Variants in ATF7IP2 observed in about 807,000 individuals in gnomAD.
The protein encoded by ATF7IP2 is activating transcription factor 7 interacting protein 2.
ATF7IP2 carries 42 observed loss-of-function variants against 64.2 expected under a neutral mutation model. The ratio of observed to expected loss-of-function variants is 0.65; its 90% CI spans 0.51 to 0.85. The LOEUF is 0.85. ATF7IP2 is among the 40% of genes least tolerant of loss of function. The pLI, the probability that ATF7IP2 is intolerant of heterozygous loss-of-function variation, is 0.00. For missense variants in ATF7IP2, 933 were observed against 784.2 expected (o/e 1.19, Z -2.27); for synonymous variants, 308 against 272.8 (o/e 1.13, Z -1.27).
At chr16:10,444,993 C>G (rs1476534983) in intron 8 of ATF7IP2, among the ~76,000 whole-genome samples, 6 of 152,198 alleles carry the variant, frequency 3.9e-5, no homozygotes, top group Admixed American at 3.9e-4. Context: ...TCTGTGTAAT[C>G]AGTTTGGACA....
At position 10,471,531 on chromosome 16, in the gene ATF7IP2, A is replaced by G. The variant is rs2049799900; in HGVS notation, c.1353-579A>G. Among the ~76,000 whole-genome samples the G allele has an allele frequency of 2.0e-5, 3 of 152,174 alleles. No individual in the cohort carries two copies. The South Asian group carries it at 6.2e-4, about 32-fold the overall frequency. ...GGACAAGAGCAAAACTCCATCTCAA[A>G]AAACAAAAAAGTCGCTCATAAAAAA... On this transcript the variant is annotated intron_variant, in intron 9 of 13. Transcript: ENST00000562102.
intron 2 of ATF7IP2, among the ~76,000 whole-genome samples, chr16:10,415,284 CAGT>C (rs2047848796): frequency 6.6e-6 from 1 of 152,108 alleles, no homozygotes; most frequent in East Asian, 1.9e-4. Flanking sequence ...ACAGACCAAA[CAGT>C]AGAACAGAAT....
intron 8 of ATF7IP2, chr16:10,449,543 T>A (rs1457936979): frequency 6.6e-6 from 1 of 152,212 alleles, no homozygotes; most frequent in Non-Finnish European, 1.5e-5. Context: ...GGAGGGTGTA[T>A]GTGTCCAGGA....
intron 7 of ATF7IP2, among the ~76,000 whole-genome samples, chr16:10,439,228 T>C (rs1221381478): frequency 3.3e-5 from 5 of 152,066 alleles, no homozygotes; most frequent in African/African-American, 1.2e-4. Context: ...TTTGAGTTTT[T>C]TGTTTTGTTT....
chr16:10,480,967 A>G lies in ATF7IP2; in HGVS notation c.1635+3A>G, dbSNP rs1396502756. 2 of 1,587,412 alleles carry G rather than the reference A, an allele frequency of 1.3e-6. No homozygotes were observed. Among genetic ancestry groups the G allele is most frequent in the Admixed American group, 1.7e-5 (1 of 59,948 alleles). On this transcript the variant is annotated splice_donor_region_variant and intron_variant, in intron 13 of 13. Coordinates refer to ENST00000562102, the MANE Select transcript of ATF7IP2 (RefSeq NM_001393719.1). ...CATTGGCACAAAATGCAGTCCAGGT[A>G]CTGAATCAAAGTGCTCTGTAAGGGA...
intron 3 of ATF7IP2, among the ~76,000 whole-genome samples, chr16:10,426,915 T>A (rs895929257): frequency 6.6e-6 from 1 of 150,854 alleles, no homozygotes; most frequent in African/African-American, 2.4e-5. Context: ...TACAGTGGTG[T>A]GATCTCGGCT....
chr16:10,394,898 C>G (rs1809415820), intron 1 of ATF7IP2, among the ~76,000 whole-genome samples: 1 of 151,870 alleles, frequency 6.6e-6, no homozygotes. Context: ...TTAAAAAAGA[C>G]CTCAAATCAG....
At chr16:10,406,203 A>G (rs1307485669) in intron 1 of ATF7IP2, among the ~76,000 whole-genome samples, 2 of 152,186 alleles carry the variant, frequency 1.3e-5, no homozygotes, top group East Asian at 3.9e-4. Context: ...CCTCCACAGG[A>G]TCAAGCAATC....
Position 10,401,787 on chromosome 16 carries a change from A to G in ATF7IP2, c.-241-12787A>G, listed in dbSNP as rs1458084094. Among the ~76,000 whole-genome samples the G allele has an allele frequency of 4.1e-5, 6 of 147,144 alleles. No homozygotes were observed. In the Admixed American group the frequency reaches 4.1e-4, roughly 10 times the overall value. Reference sequence around the variant, plus strand: ...TTTTTTTTTTAATTGATTCAGTCTCACTAATTATTCATCTATTCAGGATTT... The same window carrying G: ...TTTTTTTTTTAATTGATTCAGTCTCGCTAATTATTCATCTATTCAGGATTT... On this transcript the variant is annotated intron_variant, in intron 1 of 13. Coordinates refer to ENST00000562102, the MANE Select transcript of ATF7IP2 (RefSeq NM_001393719.1).
intron 12 of ATF7IP2, among the ~76,000 whole-genome samples, chr16:10,476,776 G>C (rs112509546): frequency 6.6e-6 from 1 of 151,878 alleles, no homozygotes; most frequent in East Asian, 1.9e-4. Flanking sequence ...CTGTTCCTGC[G>C]TTACTTTGCT....
rs774893875 is a variant in ATF7IP2, at chr16:10,471,095, G to T, written c.1353-1015G>T. Among the ~76,000 whole-genome samples, 59 of 152,200 alleles carry T rather than the reference G, an allele frequency of 3.9e-4. 1 individual carries two copies. In the East Asian group the frequency reaches 4.8e-3, roughly 12 times the overall value. On this transcript the variant is annotated intron_variant, in intron 9 of 13. Coordinates refer to ENST00000562102, the MANE Select transcript of ATF7IP2 (RefSeq NM_001393719.1). ...GTACCGATGTAGTTTAACAGGAAAA[G>T]ATGTTCTTTTCAAAAATGTTGCTGG...
chr16:10,410,983 T>A (rs1372365835), intron 1 of ATF7IP2, among the ~76,000 whole-genome samples: 1 of 151,620 alleles, frequency 6.6e-6, no homozygotes, highest in African/African-American at 2.4e-5. Flanking sequence ...GTATAATTTT[T>A]GTTTTTAATT....
intron 1 of ATF7IP2, among the ~76,000 whole-genome samples, chr16:10,409,212 A>C (rs538011166): frequency 6.6e-6 from 1 of 152,122 alleles, no homozygotes; most frequent in Non-Finnish European, 1.5e-5. Flanking sequence ...TGTGAGTTAC[A>C]GTGGTGGGAC....
chr16:10,444,744 G>A lies in ATF7IP2; in HGVS notation c.1194+4282G>A, dbSNP rs561022804. Among the ~76,000 whole-genome samples the A allele has an allele frequency of 6.6e-5, 10 of 152,308 alleles. No individual in the cohort carries two copies. In the South Asian group the frequency reaches 2.1e-3, roughly 32 times the overall value. ...CCTTGATGAAGGTGGATGCCATGGAGTATGATATTCCCAATTTATTCCTAG... is the reference window on the plus strand; with the variant it reads ...CCTTGATGAAGGTGGATGCCATGGAATATGATATTCCCAATTTATTCCTAG... On this transcript the variant is annotated intron_variant, in intron 8 of 13. Coordinates refer to ENST00000562102, the MANE Select transcript of ATF7IP2 (RefSeq NM_001393719.1).
intron 1 of ATF7IP2, among the ~76,000 whole-genome samples, chr16:10,392,565 A>G (rs2047347938): frequency 6.6e-6 from 1 of 152,138 alleles, no homozygotes. Flanking sequence ...AACACCATTC[A>G]CACAGAAATT....
intron 1 of ATF7IP2, among the ~76,000 whole-genome samples, chr16:10,413,097 G>T (rs1203572275): frequency 6.6e-6 from 1 of 152,114 alleles, no homozygotes; most frequent in African/African-American, 2.4e-5. Context: ...TAGTTGGTTT[G>T]TGAATTCGTA....
At chr16:10,432,214 A>ATG (rs2048282965) in intron 5 of ATF7IP2, among the ~76,000 whole-genome samples, 1 of 152,094 alleles carries the variant, frequency 6.6e-6, no homozygotes, top group Non-Finnish European at 1.5e-5. Flanking sequence ...ACATGTGTAT[A>ATG]TGTGTGTGTA....
chr16:10,461,100 C>CT (rs1311695650), intron 9 of ATF7IP2, among the ~76,000 whole-genome samples: 1 of 152,096 alleles, frequency 6.6e-6, no homozygotes, highest in Non-Finnish European at 1.5e-5. Context: ...AGGTGTTTAT[C>CT]TTCATTAGTA....
intron 12 of ATF7IP2, among the ~76,000 whole-genome samples, chr16:10,476,604 C>G (rs140520127): frequency 2.6e-4 from 40 of 152,212 alleles, no homozygotes; most frequent in African/African-American, 8.2e-4. Context: ...AACCCATCAC[C>G]TAAGTATTAA....
Sources: gnomAD v4.1 joint callset for allele counts (sites outside exome capture counted in the v4.1 genomes callset) on GRCh38, gnomAD v4.1.1 for gene constraint, MANE v1.5 for transcripts, NCBI Gene and HGNC (gene_info 2026-07-23, HGNC 2026-07-21) for gene names.